Variants in NFYC observed in about 807,000 individuals in gnomAD.
The protein encoded by NFYC is CAAT box DNA-binding protein subunit C.
Under a neutral mutation model 53.1 loss-of-function variants are expected in NFYC, and 25 were observed. That is an observed-to-expected ratio of 0.47 (90% CI 0.34 to 0.66). The LOEUF is 0.66. Ranked by LOEUF, NFYC falls within the 30% of genes least tolerant of loss-of-function variation. The pLI, the probability that NFYC is intolerant of heterozygous loss-of-function variation, is 0.01. For synonymous variants in NFYC, 145 were observed against 152.6 expected (o/e 0.95, Z 0.37); for missense variants, 260 against 422.7 (o/e 0.62, Z 3.38).
At chr1:40,694,658 T>C (rs1223764201) in intron 1 of NFYC, among the ~76,000 whole-genome samples, 2 of 152,202 alleles carry the variant, frequency 1.3e-5, no homozygotes, top group Admixed American at 6.5e-5. Context: ...CCTTTTTTTT[T>C]TCAGCAGGCA....
chr1:40,729,983 A>T (rs1291414854), intron 1 of NFYC, among the ~76,000 whole-genome samples: 1 of 151,520 alleles, frequency 6.6e-6, no homozygotes, highest in Non-Finnish European at 1.5e-5. Flanking sequence ...GCCCCATATC[A>T]GCTTTTGATG....
At chr1:40,715,758 G>A (rs1490544938) in intron 1 of NFYC, among the ~76,000 whole-genome samples, 1 of 152,038 alleles carries the variant, frequency 6.6e-6, no homozygotes, top group Non-Finnish European at 1.5e-5. Flanking sequence ...AGTGAAAATG[G>A]GCAATCGAAG....
intron 6 of NFYC, among the ~76,000 whole-genome samples, chr1:40,761,978 C>T (rs1374734571): frequency 6.6e-6 from 1 of 151,614 alleles, no homozygotes; most frequent in Non-Finnish European, 1.5e-5. Context: ...GCTCACTGCT[C>T]TAGGTAACCT....
At chr1:40,752,975 C>T (rs1645998130) in intron 4 of NFYC, among the ~76,000 whole-genome samples, 176 bp from the exon 5 acceptor site, 1 of 151,850 alleles carries the variant, frequency 6.6e-6, no homozygotes, top group South Asian at 2.1e-4. Flanking sequence ...TGATGGTTGC[C>T]CACCAGGTCT....
chr1:40,751,088 A>G (rs1206239009), intron 4 of NFYC, among the ~76,000 whole-genome samples: 2 of 152,208 alleles, frequency 1.3e-5, no homozygotes, highest in Non-Finnish European at 2.9e-5. Context: ...AATGCTCTTA[A>G]CAACCTTGTT....
At chr1:40,736,532 T>C (rs1645034056) in intron 1 of NFYC, among the ~76,000 whole-genome samples, 1 of 152,220 alleles carries the variant, frequency 6.6e-6, no homozygotes. Flanking sequence ...CCTGCCAGCA[T>C]CCCGTCACTG....
chr1:40,763,211 G>GAT (rs369784828), intron 7 of NFYC, among the ~76,000 whole-genome samples, 165 bp downstream of exon 7: 1 of 145,188 alleles, frequency 6.9e-6, no homozygotes, highest in Non-Finnish European at 1.5e-5. Flanking sequence ...TATATACCTT[G>GAT]ATATATATAT....
At chr1:40,731,719 C>G (rs2885325) in intron 1 of NFYC, among the ~76,000 whole-genome samples, 99,201 of 151,560 alleles carry the variant, frequency 0.65, 32,648 homozygotes, top group African/African-American at 0.72. Flanking sequence ...CTCCTGACCT[C>G]GTGATCTGCC....
chr1:40,763,016 C>T lies in NFYC; in HGVS notation c.690C>T (p.Ile230=). 1.2e-6 allele frequency: 2 copies of T among 1,609,862 alleles called. No individual in the cohort carries two copies. Among genetic ancestry groups the T allele is most frequent in the Middle Eastern group, 1.7e-4 (1 of 6,048 alleles). Reference sequence around the variant, plus strand: ...CCATGCAGGTGATGCAGCAGATCATCACTAACACAGGAGAGATCCAGCAGA... The same window carrying T: ...CCATGCAGGTGATGCAGCAGATCATTACTAACACAGGAGAGATCCAGCAGA... ...GQTMQVMQQI[I]TNTGEIQQIP... is the part of the protein sequence containing the mutation. The change falls in exon 7 of 10, where the codon ATC becomes ATT. Residue 230 remains isoleucine (I), a synonymous_variant. Coordinates refer to ENST00000447388, the MANE Select transcript of NFYC (RefSeq NM_014223.5).
chr1:40,729,455 G>A (rs1644665871), intron 1 of NFYC, among the ~76,000 whole-genome samples: 1 of 152,170 alleles, frequency 6.6e-6, no homozygotes, highest in Admixed American at 6.5e-5. Context: ...GAGAGTTAGG[G>A]CATTGCTCCA....
chr1:40,712,791 A>C (rs1176556512), intron 1 of NFYC: 4 of 149,002 alleles, frequency 2.7e-5, no homozygotes, highest in African/African-American at 7.4e-5. Context: ...CAATCCTCCT[A>C]CTTCAGCCTC....
intron 1 of NFYC, among the ~76,000 whole-genome samples, chr1:40,725,819 A>G (rs1644490024): frequency 6.6e-6 from 1 of 152,250 alleles, no homozygotes. Flanking sequence ...TAAAGCTAAC[A>G]TTATAATAAA....
At chr1:40,707,084 C>T (rs1360698472) in intron 1 of NFYC, among the ~76,000 whole-genome samples, 1 of 151,832 alleles carries the variant, frequency 6.6e-6, no homozygotes, top group East Asian at 1.9e-4. Flanking sequence ...GCATGAGAAT[C>T]GCTTGAACCC....
At chr1:40,695,401 G>T (rs1259824891) in intron 1 of NFYC, among the ~76,000 whole-genome samples, 2 of 152,194 alleles carry the variant, frequency 1.3e-5, no homozygotes, top group African/African-American at 4.8e-5. Flanking sequence ...ATGGAGCTAT[G>T]CTGGGAGTCT....
chr1:40,715,570 C>T (rs992045576), intron 1 of NFYC, among the ~76,000 whole-genome samples: 1 of 152,034 alleles, frequency 6.6e-6, no homozygotes, highest in Non-Finnish European at 1.5e-5. Context: ...TGTTCTGCTA[C>T]CTCCATATGG....
At chr1:40,764,988 A>G (rs773493647) in intron 7 of NFYC, among the ~76,000 whole-genome samples, 7 of 152,182 alleles carry the variant, frequency 4.6e-5, no homozygotes, top group African/African-American at 1.7e-4. Flanking sequence ...TGTAGCTGTC[A>G]GTATACCTTC....
chr1:40,725,727 C>G (rs1644486944), intron 1 of NFYC, among the ~76,000 whole-genome samples: 1 of 152,078 alleles, frequency 6.6e-6, no homozygotes, highest in Admixed American at 6.6e-5. Flanking sequence ...ATGAAGAAAC[C>G]TAGAACTAAC....
rs763362214 is a variant in NFYC at position 40,754,401 on chromosome 1, T to C, written c.387+1155T>C. 5.6e-6 allele frequency: 3 copies of C among 534,190 alleles called. No individual in the cohort carries two copies. The East Asian group carries it at 1.6e-4, about 29-fold the overall frequency. The allele number at this position is 534,190 out of a possible 1,614,324, so 33.1% of individuals were successfully genotyped here. ...ACATCCTTGACTGGAAGCTGTAAGGTGTTCAGAGGAGCTTTCAGTCGGATG... is the reference window on the plus strand; with the variant it reads ...ACATCCTTGACTGGAAGCTGTAAGGCGTTCAGAGGAGCTTTCAGTCGGATG... On this transcript the variant is annotated intron_variant, in intron 5 of 9. Coordinates refer to ENST00000447388, the MANE Select transcript of NFYC (RefSeq NM_014223.5).
At chr1:40,697,191 A>C (rs534515749) in intron 1 of NFYC, among the ~76,000 whole-genome samples, 1 of 152,350 alleles carries the variant, frequency 6.6e-6, no homozygotes, top group African/African-American at 2.4e-5. Context: ...GATGCCTATC[A>C]CTTAGTGGAC....
Sources: gnomAD v4.1 joint callset for allele counts (sites outside exome capture counted in the v4.1 genomes callset) on GRCh38, gnomAD v4.1.1 for gene constraint, MANE v1.5 for transcripts, NCBI Gene and HGNC (gene_info 2026-07-23, HGNC 2026-07-21) for gene names.